The following PDCD1LG2 variants were observed in gnomAD, a reference collection of about 807,000 sequenced individuals.
The protein encoded by PDCD1LG2 is programmed cell death 1 ligand 2.
PDCD1LG2 carries 32 observed loss-of-function variants against 28.2 expected under a neutral mutation model. The ratio of observed to expected loss-of-function variants is 1.13; its 90% CI spans 0.86 to 1.52. The LOEUF is 1.52. Ranked by LOEUF, PDCD1LG2 falls within the 40% of genes most tolerant of loss-of-function variation. The pLI, the probability that PDCD1LG2 is intolerant of heterozygous loss-of-function variation, is 0.00. For synonymous variants in PDCD1LG2, 116 were observed against 120.2 expected (o/e 0.97, Z 0.23); for missense variants, 385 against 323.8 (o/e 1.19, Z -1.45).
intron 2 of PDCD1LG2, among the ~76,000 whole-genome samples, chr9:5,523,663 C>T (rs1022401002): frequency 6.6e-6 from 1 of 152,182 alleles, no homozygotes; most frequent in African/African-American, 2.4e-5. Flanking sequence ...GGAACCCTGC[C>T]TGGCTGGCAT....
intron 3 of PDCD1LG2, among the ~76,000 whole-genome samples, chr9:5,549,097 C>G (rs1167894829): frequency 6.6e-6 from 1 of 152,122 alleles, no homozygotes; most frequent in Non-Finnish European, 1.5e-5. Flanking sequence ...TCTTCAGTAA[C>G]CGTCCACAAG....
intron 5 of PDCD1LG2, 133 bp downstream of exon 5, chr9:5,557,885 G>C: frequency 9.0e-7 from 1 of 1,106,898 alleles, no homozygotes; most frequent in Non-Finnish European, 1.3e-6. Context: ...CTTTGAGCTT[G>C]TCTTGATGAT....
chr9:5,517,987 G>A (rs745350855), intron 1 of PDCD1LG2, among the ~76,000 whole-genome samples: 40 of 152,196 alleles, frequency 2.6e-4, no homozygotes, highest in Non-Finnish European at 4.9e-4. Flanking sequence ...TGGGGTGGAA[G>A]AAAGGAGAGC....
At chr9:5,563,535 A>G (rs980874086) in intron 6 of PDCD1LG2, among the ~76,000 whole-genome samples, 1 of 152,258 alleles carries the variant, frequency 6.6e-6, no homozygotes. Context: ...ATGTTTTTGC[A>G]ACAAACAATG....
chr9:5,563,285 G>T, intron 6 of PDCD1LG2, 74 bp downstream of exon 6: 3 of 1,276,748 alleles, frequency 2.3e-6, no homozygotes, highest in South Asian at 2.6e-5. Context: ...AGTAACCACT[G>T]TTCTATTAAT....
rs767771912 is a variant in PDCD1LG2, at chr9:5,534,815, C to G, written c.126C>G (p.Cys42Trp). 6.2e-7 allele frequency: 1 copy of G among 1,614,128 alleles called. No individual in the cohort carries two copies. Among genetic ancestry groups the G allele is most frequent in the South Asian group, 1.1e-5 (1 of 91,076 alleles). The part of the protein sequence containing the change: ...IEHGSNVTLE[C>W]NFDTGSHVNL... ...ATGGCAGCAATGTGACCCTGGAATGCAACTTTGACACTGGAAGTCATGTGA... is the reference window on the plus strand; with the variant it reads ...ATGGCAGCAATGTGACCCTGGAATGGAACTTTGACACTGGAAGTCATGTGA... Residue 42 changes from cysteine to tryptophan, a missense_variant, in exon 3 of 7, where the codon TGC becomes TGG. Coordinates refer to ENST00000397747, the MANE Select transcript of PDCD1LG2 (RefSeq NM_025239.4).
intron 5 of PDCD1LG2, among the ~76,000 whole-genome samples, chr9:5,561,352 A>G (rs1284366593): frequency 6.6e-6 from 1 of 152,194 alleles, no homozygotes; most frequent in African/African-American, 2.4e-5. Context: ...ATTTAATTTC[A>G]CAAAAATTGC....
At chr9:5,562,489 G>C (rs185171499) in intron 5 of PDCD1LG2, among the ~76,000 whole-genome samples, 2 of 152,300 alleles carry the variant, frequency 1.3e-5, no homozygotes, top group South Asian at 2.1e-4. Context: ...GACTCAGAAG[G>C]AGAGAGTAGG....
intron 3 of PDCD1LG2, among the ~76,000 whole-genome samples, chr9:5,547,719 C>T (rs1235735663): frequency 6.6e-6 from 1 of 151,954 alleles, no homozygotes; most frequent in Admixed American, 6.6e-5. Flanking sequence ...GGTGGATCAC[C>T]TGAGGTCAGG....
intron 4 of PDCD1LG2, among the ~76,000 whole-genome samples, chr9:5,550,691 C>G (rs1417495461): frequency 7.0e-6 from 1 of 142,370 alleles, no homozygotes; most frequent in Non-Finnish European, 1.5e-5. Context: ...CCACATCTCT[C>G]TCTCTCTCTT....
At chr9:5,550,940 G>A (rs980700364) in intron 4 of PDCD1LG2, among the ~76,000 whole-genome samples, 4 of 152,134 alleles carry the variant, frequency 2.6e-5, no homozygotes, top group Non-Finnish European at 4.4e-5. Flanking sequence ...TGATCCGCCC[G>A]CCTCAGCCTC....
intron 2 of PDCD1LG2, among the ~76,000 whole-genome samples, chr9:5,528,287 T>C (rs1441715629): frequency 2.0e-5 from 3 of 147,388 alleles, no homozygotes; most frequent in Middle Eastern, 3.6e-3. Context: ...TATATATATA[T>C]ACACACACAC....
At chr9:5,522,212 A>C (rs1820288805) in intron 1 of PDCD1LG2, among the ~76,000 whole-genome samples, 1 of 152,228 alleles carries the variant, frequency 6.6e-6, no homozygotes, top group Admixed American at 6.5e-5. Context: ...CTATTGAAAA[A>C]AGCTATGGAA....
intron 4 of PDCD1LG2, among the ~76,000 whole-genome samples, chr9:5,555,573 T>A (rs997056414): frequency 2.6e-5 from 4 of 152,214 alleles, no homozygotes; most frequent in African/African-American, 9.7e-5. Flanking sequence ...GTATCTTTCG[T>A]TCCATGTAAC....
At chr9:5,518,373 C>T in intron 1 of PDCD1LG2, among the ~76,000 whole-genome samples, 1 of 152,184 alleles carries the variant, frequency 6.6e-6, no homozygotes, top group East Asian at 1.9e-4. Flanking sequence ...CGTGGAAGGG[C>T]AAGGAAGAAG....
chr9:5,529,631 G>C (rs1051472455), intron 2 of PDCD1LG2, among the ~76,000 whole-genome samples: 3 of 152,030 alleles, frequency 2.0e-5, no homozygotes, highest in African/African-American at 7.3e-5. Flanking sequence ...AGAGGAAAGA[G>C]CCACCCCAGT....
At chr9:5,542,105 G>A (rs990925696) in intron 3 of PDCD1LG2, among the ~76,000 whole-genome samples, 26 of 152,102 alleles carry the variant, frequency 1.7e-4, no homozygotes, top group Admixed American at 7.9e-4. Context: ...TTCAACAAAC[G>A]GTGCTGGGAT....
At chr9:5,548,728 G>A (rs60134874) in intron 3 of PDCD1LG2, among the ~76,000 whole-genome samples, 1 of 152,266 alleles carries the variant, frequency 6.6e-6, no homozygotes, top group African/African-American at 2.4e-5. Context: ...AGGGAGAAGT[G>A]CAGAATAAAT....
chr9:5,553,528 T>C (rs977351714), intron 4 of PDCD1LG2, among the ~76,000 whole-genome samples: 2 of 152,196 alleles, frequency 1.3e-5, no homozygotes, highest in South Asian at 2.1e-4. Flanking sequence ...TGAGATGAAT[T>C]GAGAAATAAC....
Sources: allele counts gnomAD v4.1 joint callset (sites outside exome capture counted in the v4.1 genomes callset), GRCh38; gene constraint gnomAD v4.1.1; transcripts MANE v1.5; gene names NCBI Gene and HGNC (gene_info 2026-07-23, HGNC 2026-07-21).